Variants in LAMC1 observed in about 807,000 individuals in gnomAD.
The protein encoded by LAMC1 is laminin subunit gamma-1.
LAMC1 carries 38 observed loss-of-function variants against 173.6 expected under a neutral mutation model. The observed-to-expected ratio is 0.22, with a 90% CI of 0.17 to 0.29. The LOEUF (loss-of-function observed/expected upper bound fraction) is 0.29. Ranked by LOEUF, LAMC1 falls within the 10% of genes least tolerant of loss-of-function variation. The pLI is 1.00. For missense variants in LAMC1, 1,824 were observed against 2,051.8 expected (o/e 0.89, Z 2.14); for synonymous variants, 746 against 749.1 (o/e 1.00, Z 0.07).
intron 1 of LAMC1, among the ~76,000 whole-genome samples, chr1:183,043,462 T>C (rs545103781): frequency 6.6e-6 from 1 of 152,208 alleles, no homozygotes; most frequent in African/African-American, 2.4e-5. Context: ...ATAAAACTAC[T>C]GAAGACTATA....
chr1:183,076,647 G>T (rs548619592), intron 1 of LAMC1, among the ~76,000 whole-genome samples: 1 of 152,210 alleles, frequency 6.6e-6, no homozygotes, highest in African/African-American at 2.4e-5. Flanking sequence ...GGAAGAGACA[G>T]TGTACCCAGA....
intron 27 of LAMC1, 191 bp downstream of exon 27, chr1:183,140,694 T>C (rs1657090032): frequency 2.7e-6 from 1 of 375,186 alleles, no homozygotes; most frequent in Non-Finnish European, 4.7e-6. Context: ...TAAATGTTTG[T>C]CTTGCATGAC....
At chr1:183,118,497 C>T (rs1028298989) in intron 11 of LAMC1, among the ~76,000 whole-genome samples, 2 of 152,060 alleles carry the variant, frequency 1.3e-5, no homozygotes, top group African/African-American at 4.8e-5. Flanking sequence ...CTGAGGCGAG[C>T]AGATCACTTG....
chr1:183,133,537 C>G lies in LAMC1; in HGVS notation c.3836C>G (p.Ser1279Cys). 6.2e-7 allele frequency: 1 copy of G among 1,612,220 alleles called. No homozygotes were observed. The highest frequency in any genetic ancestry group is 8.5e-7 in the Non-Finnish European group (1 of 1,178,880). The change falls in exon 22 of 28, where the codon TCT becomes TGT. Residue 1279 changes from serine to cysteine, a missense_variant. Physicochemically the swap from Ser to Cys is moderately radical, Grantham distance 112. Coordinates refer to ENST00000258341, the MANE Select transcript of LAMC1 (RefSeq NM_002293.4). ...GTGGCTCAGCTGAGCCCTTTGGACT[C>G]TGAGACACTGGAGGTATGGGGGCAG... ...ASVAQLSPLD[S>C]ETLENEANNI...
At chr1:183,077,793 T>TATATATATATATAC (rs1558040719) in intron 1 of LAMC1, among the ~76,000 whole-genome samples, 1 of 147,080 alleles carries the variant, frequency 6.8e-6, no homozygotes, top group African/African-American at 2.5e-5. Flanking sequence ...TATATATATA[T>TATATATATATATAC]ATACAGTAGC....
At chr1:183,114,794 A>C in intron 5 of LAMC1, 75 bp downstream of exon 5, 2 of 1,442,454 alleles carry the variant, frequency 1.4e-6, no homozygotes, top group Non-Finnish European at 1.9e-6. Context: ...CTTTGTTTCC[A>C]AGGCATTTGG....
rs1024649325 is a variant in LAMC1 at position 183,142,870 on chromosome 1, C to A, written c.*80C>A. The A allele has an allele frequency of 7.0e-7, 1 of 1,424,136 alleles. No individual in the cohort carries two copies. Among genetic ancestry groups the A allele is most frequent in the Non-Finnish European group, 9.5e-7 (1 of 1,047,640 alleles). 88.2% of individuals were successfully genotyped at this position (1,424,136 alleles called of 1,614,324 possible). ...ACAGAGTGCCTTGACACAAAGATTA[C>A]ATTTTTCAGACCCCCACTCCTCTGC... On this transcript the variant is annotated 3_prime_UTR_variant, in exon 28 of 28. Transcript: ENST00000258341.
At chr1:183,024,940 G>T (rs551389887) in intron 1 of LAMC1, among the ~76,000 whole-genome samples, 9 of 152,364 alleles carry the variant, frequency 5.9e-5, no homozygotes, top group African/African-American at 1.9e-4. Context: ...GTGGATTGAG[G>T]ATGGACATAT....
At chr1:183,140,245 C>CAAAAAAAAAAAA (rs56152259) in intron 26 of LAMC1, among the ~76,000 whole-genome samples, 159 bp from the exon 27 acceptor site, 2,762 of 52,576 alleles carry the variant, frequency 0.053, 454 homozygotes, top group Middle Eastern at 0.11. Context: ...GCAGCCCCAC[C>CAAAAAAAAAAAA]AAAAAAAAAA....
intron 1 of LAMC1, among the ~76,000 whole-genome samples, chr1:183,065,691 G>T (rs941474708): frequency 6.6e-6 from 1 of 152,186 alleles, no homozygotes; most frequent in African/African-American, 2.4e-5. Flanking sequence ...GTATATTTTT[G>T]ATTATAATTT....
intron 24 of LAMC1, among the ~76,000 whole-genome samples, chr1:183,135,366 G>C (rs1656909106): frequency 6.6e-6 from 1 of 151,956 alleles, no homozygotes; most frequent in African/African-American, 2.4e-5. Flanking sequence ...TTCTTATTAG[G>C]CAAACTCACA....
At chr1:183,131,138 C>T (rs939465928) in intron 19 of LAMC1, among the ~76,000 whole-genome samples, 161 bp from the exon 20 acceptor site, 2 of 140,850 alleles carry the variant, frequency 1.4e-5, no homozygotes, top group South Asian at 2.2e-4. Context: ...TGTGCCATTG[C>T]CCTTCTGCCT....
rs781058610 is a variant in LAMC1, at chr1:183,114,641, C to T, written c.1132C>T (p.His378Tyr). 1.9e-6 allele frequency: 3 copies of T among 1,614,146 alleles called. No individual in the cohort carries two copies. Among genetic ancestry groups the T allele is most frequent in the Non-Finnish European group, 2.5e-6 (3 of 1,180,026 alleles). ...CTGCCAGGATAACACAGATGGCGCC[C>T]ACTGTGAGAGGTGCCGAGAGAACTT... is the stretch of plus-strand genomic sequence containing the variant. ...TNCQDNTDGA[H>Y]CERCRENFFR... is the part of the protein sequence containing the mutation. The change falls in exon 5 of 28, where the codon CAC (histidine) becomes TAC (tyrosine). Residue 378 changes from histidine to tyrosine, a missense_variant. By Grantham distance (83) the His-to-Tyr change is moderately conservative. Coordinates refer to ENST00000258341, the MANE Select transcript of LAMC1 (RefSeq NM_002293.4).
At position 183,100,400 on chromosome 1, in the gene LAMC1, G is replaced by A. The variant is rs141402986; in HGVS notation, c.419-2928G>A. The stretch of plus-strand genomic sequence containing the variant: ...CTGAAGTTGCTCCTTAAACATGACC[G>A]TAGCCTGGTGTGCTCTGCTTCTTGT... On this transcript the variant is annotated intron_variant, in intron 1 of 27. Coordinates refer to ENST00000258341, the MANE Select transcript of LAMC1 (RefSeq NM_002293.4). Among the ~76,000 whole-genome samples, 156 of 152,264 alleles carry A rather than the reference G, an allele frequency of 1.0e-3. 1 individual carries two copies. Among genetic ancestry groups the A allele is most frequent in the African/African-American group, 1.3e-3 (54 of 41,546 alleles).
chr1:183,036,490 C>T (rs1444859095), intron 1 of LAMC1, among the ~76,000 whole-genome samples: 1 of 149,012 alleles, frequency 6.7e-6, no homozygotes, highest in African/African-American at 2.5e-5. Context: ...GCTACCTCTG[C>T]CTCCTGGGTT....
chr1:183,066,087 A>T (rs181995514), intron 1 of LAMC1, among the ~76,000 whole-genome samples: 4 of 152,226 alleles, frequency 2.6e-5, no homozygotes, highest in Non-Finnish European at 5.9e-5. Flanking sequence ...TTATATTACA[A>T]AGTTTTTTAT....
intron 4 of LAMC1, among the ~76,000 whole-genome samples, chr1:183,114,025 A>G (rs780837489): frequency 2.6e-4 from 40 of 152,104 alleles, no homozygotes; most frequent in Non-Finnish European, 5.7e-4. Context: ...CTGGCTGTAT[A>G]TACCCTTTAT....
chr1:183,060,552 G>A (rs1654718893), intron 1 of LAMC1, among the ~76,000 whole-genome samples: 1 of 152,092 alleles, frequency 6.6e-6, no homozygotes, highest in Non-Finnish European at 1.5e-5. Flanking sequence ...TACGCCTATT[G>A]TGTTTCCATA....
At chr1:183,072,841 T>C (rs1349730431) in intron 1 of LAMC1, among the ~76,000 whole-genome samples, 1 of 152,190 alleles carries the variant, frequency 6.6e-6, no homozygotes, top group African/African-American at 2.4e-5. Context: ...GGGATCTAGG[T>C]TGCGTGCTCT....
Sources: gnomAD v4.1 joint callset for allele counts (sites outside exome capture counted in the v4.1 genomes callset) on GRCh38, gnomAD v4.1.1 for gene constraint, MANE v1.5 for transcripts, NCBI Gene and HGNC (gene_info 2026-07-23, HGNC 2026-07-21) for gene names.